Variants in MIGA2 observed in about 807,000 individuals in gnomAD.
MIGA2 encodes family with sequence similarity 73, member B.
Under a neutral mutation model 69.9 loss-of-function variants are expected in MIGA2, and 36 were observed. That is an observed-to-expected ratio of 0.52 (90% confidence interval 0.39 to 0.68). The LOEUF (loss-of-function observed/expected upper bound fraction) is 0.68, where lower values mean the gene tolerates loss of function less well. MIGA2 is among the 30% of genes least tolerant of loss of function. The pLI is 0.00. For missense variants in MIGA2, 660 were observed against 787.7 expected (o/e 0.84, Z 1.94); for synonymous variants, 333 against 349.2 (o/e 0.95, Z 0.52).
At chr9:129,063,655 G>GGGGGGGGCC in intron 11 of MIGA2, 24 bp downstream of exon 11, 22 of 645,588 alleles carry the variant, frequency 3.4e-5, no homozygotes, top group Non-Finnish European at 5.5e-5. Flanking sequence ...GGGTGGGGGG[G>GGGGGGGGCC]CAAATTATAA....
rs757708773 is a variant in MIGA2 at position 129,068,080 on chromosome 9, T to A, written c.1270-118T>A. 13 of 1,443,470 alleles carry A rather than the reference T, an allele frequency of 9.0e-6. No homozygotes were observed. In the East Asian group the frequency reaches 9.1e-5, roughly 10 times the overall value. 89.4% of individuals were successfully genotyped at this position (1,443,470 alleles called of 1,614,324 possible). On this transcript the variant is annotated intron_variant, in intron 12 of 15. Transcript: ENST00000684074. The surrounding 1 kb of genome is among the most constrained non-coding windows in gnomAD (Gnocchi z 4.1). ...GTTGCACAGCAGAGCGGGAAAGACG[T>A]GTCCCCCCCACGTGTGCTCATGCCC...
rs761429099 is a variant in MIGA2 at position 129,067,904 on chromosome 9, G to A, written c.1269+33G>A. The A allele has an allele frequency of 1.6e-5, 25 of 1,589,794 alleles. 1 individual carries two copies. Among genetic ancestry groups the A allele is most frequent in the South Asian group, 9.1e-5 (8 of 88,220 alleles). ...GCTTTGTGCTGAACCCCGACATCCCGGGCTCCCCTGCATCTGAGCAGCAAG... is the reference window on the plus strand; with the variant it reads ...GCTTTGTGCTGAACCCCGACATCCCAGGCTCCCCTGCATCTGAGCAGCAAG... On this transcript the variant is annotated intron_variant, in intron 12 of 15. Coordinates refer to ENST00000684074, the MANE Select transcript of MIGA2 (RefSeq NM_001329990.2).
chr9:129,036,729 C>A, intron 1 of MIGA2, 48 bp downstream of exon 1: 1 of 164,734 alleles, frequency 6.1e-6, no homozygotes, highest in Non-Finnish European at 1.4e-5. Flanking sequence ...GGCAGCGCGG[C>A]AGGGCCGGGA....
intron 3 of MIGA2, among the ~76,000 whole-genome samples, chr9:129,044,234 C>T (rs1845084442): frequency 6.6e-6 from 1 of 151,760 alleles, no homozygotes; most frequent in Non-Finnish European, 1.5e-5. Context: ...CCTCGTGATC[C>T]ACCCGCCTTG....
intron 3 of MIGA2, among the ~76,000 whole-genome samples, chr9:129,044,619 C>A (rs1845110869): frequency 6.6e-6 from 1 of 152,088 alleles, no homozygotes; most frequent in Non-Finnish European, 1.5e-5. Flanking sequence ...ATGGCACAGT[C>A]TCGGCTCACT....
chr9:129,043,810 T>C (rs1357100667), intron 3 of MIGA2, among the ~76,000 whole-genome samples: 49 of 151,088 alleles, frequency 3.2e-4, no homozygotes, highest in South Asian at 1.1e-3. Flanking sequence ...AAGCGATTCT[T>C]CTGCCTCAGC....
Position 129,060,673 on chromosome 9 carries a change from C to G in MIGA2, c.894+23C>G. 2 of 1,554,218 alleles carry G rather than the reference C, an allele frequency of 1.3e-6. No homozygotes were observed. The highest frequency in any genetic ancestry group is 1.7e-6 in the Non-Finnish European group (2 of 1,146,372). On this transcript the variant is annotated intron_variant, in intron 8 of 15. Coordinates refer to ENST00000684074, the MANE Select transcript of MIGA2 (RefSeq NM_001329990.2). This position sits in a 1 kb window ranked among gnomAD's most constrained non-coding sequence, Gnocchi z 4.8. ...GAGGTGACTCGGGGTGGGGACCAAG[C>G]CTGGGGTGGGGTGAAGGCTGGGCCT...
At chr9:129,051,657 C>T (rs1295769774) in intron 6 of MIGA2, among the ~76,000 whole-genome samples, 2 of 151,364 alleles carry the variant, frequency 1.3e-5, no homozygotes, top group Non-Finnish European at 2.9e-5. Flanking sequence ...GGTGCAGTGG[C>T]GTGATCTCGG....
At chr9:129,057,295 G>A (rs180763900) in intron 6 of MIGA2, among the ~76,000 whole-genome samples, 6 of 151,390 alleles carry the variant, frequency 4.0e-5, no homozygotes, top group Admixed American at 6.6e-5. Flanking sequence ...TATAAATTTT[G>A]TTGTTGTTGT....
chr9:129,048,576 C>A, intron 4 of MIGA2, 37 bp downstream of exon 4: 1 of 1,544,958 alleles, frequency 6.5e-7, no homozygotes, highest in South Asian at 1.1e-5. Context: ...GGCTCCAGGT[C>A]CGGGCTTACC....
Position 129,070,493 on chromosome 9 carries a change from C to T in MIGA2, c.*40C>T, listed in dbSNP as rs1362031412. ...GGGGGGTGGCAGAGAGAAGGCTCCTCCTCCCTTCCCTGGGTTGGTATCTGA... is the reference window on the plus strand; with the variant it reads ...GGGGGGTGGCAGAGAGAAGGCTCCTTCTCCCTTCCCTGGGTTGGTATCTGA... On this transcript the variant is annotated 3_prime_UTR_variant, in exon 16 of 16. Transcript: ENST00000684074. 6.8e-7 allele frequency: 1 copy of T among 1,473,580 alleles called. No individual in the cohort carries two copies. The highest frequency in any genetic ancestry group is 1.3e-5 in the South Asian group (1 of 75,366). 91.3% of individuals were successfully genotyped at this position (1,473,580 alleles called of 1,614,324 possible). A position where few individuals can be genotyped will look rare whatever the true frequency, so the allele number is the denominator to read the frequency against.
At chr9:129,047,949 G>A (rs769145081) in intron 3 of MIGA2, among the ~76,000 whole-genome samples, 3 of 151,620 alleles carry the variant, frequency 2.0e-5, no homozygotes, top group Non-Finnish European at 4.4e-5. Flanking sequence ...GGCTGGTCTT[G>A]AACTCCTGGG....
In MIGA2 at chr9:129,063,643, T is replaced by TGGGGGGG; in HGVS notation, c.1170+16_1170+17insGGGGGGG. The TGGGGGGG allele has an allele frequency of 1.7e-6, 1 of 584,616 alleles. No homozygotes were observed. Among genetic ancestry groups the TGGGGGGG allele is most frequent in the Non-Finnish European group, 2.8e-6 (1 of 360,650 alleles). The allele number at this position is 584,616 out of a possible 1,614,324, so 36.2% of individuals were successfully genotyped here. On this transcript the variant is annotated intron_variant, in intron 11 of 15. Transcript: ENST00000684074. ...CCAAGGCTGAGAAGGTAGCAGGGGG[T>TGGGGGGG]GGGGTGGGGGGGCAAATTATAAAAT...
chr9:129,040,761 TC>T, intron 2 of MIGA2, 71 bp downstream of exon 2: 1 of 1,401,076 alleles, frequency 7.1e-7, no homozygotes, highest in Non-Finnish European at 9.8e-7. Context: ...CTCCTCCGTG[TC>T]CAGGAACGCT....
chr9:129,048,513 T>C lies in MIGA2; in HGVS notation c.394T>C (p.Ser132Pro). The C allele has an allele frequency of 6.2e-7, 1 of 1,613,884 alleles. No individual in the cohort carries two copies. Among genetic ancestry groups the C allele is most frequent in the South Asian group, 1.1e-5 (1 of 91,086 alleles). Residue 132 changes from serine to proline, a missense_variant, in exon 4 of 16, where the codon TCG (serine) becomes CCG (proline). Coordinates refer to ENST00000684074, the MANE Select transcript of MIGA2 (RefSeq NM_001329990.2). ...GISSIEPSKHSGSSHSVASMM... is the reference protein window; with the variant it reads ...GISSIEPSKHPGSSHSVASMM... ...CTCTTCCATTGAGCCCAGCAAGCAC[T>C]CGGGCTCCTCCCACAGTGTGGCCTC...
intron 3 of MIGA2, among the ~76,000 whole-genome samples, chr9:129,045,441 CAAAAAAAAAAAAAAAAAAA>C (rs766649271): frequency 5.0e-5 from 1 of 20,050 alleles, no homozygotes; most frequent in Admixed American, 4.4e-4. Flanking sequence ...GACTCTGTCT[CAAAAAAAAAAAAAAAAAAA>C]AAAAAAAGCA....
intron 6 of MIGA2, among the ~76,000 whole-genome samples, chr9:129,057,628 A>G (rs1379674444): frequency 2.1e-5 from 3 of 139,898 alleles, no homozygotes; most frequent in African/African-American, 5.4e-5. Flanking sequence ...ATTTTGAGAC[A>G]GAGTCTCGCT....
rs192848874 is a variant in MIGA2, at chr9:129,061,176, G to C, written c.895-55G>C. ...ACCAATGGGCAGGTGCCCTTGCGCC[G>C]TGGCGTGCTGCTCACATGGGCTTCC... On this transcript the variant is annotated intron_variant, in intron 8 of 15. Coordinates refer to ENST00000684074, the MANE Select transcript of MIGA2 (RefSeq NM_001329990.2). This position sits in a 1 kb window ranked among gnomAD's most constrained non-coding sequence, Gnocchi z 5.0. 6.7e-7 allele frequency: 1 copy of C among 1,487,010 alleles called. No homozygotes were observed. Among genetic ancestry groups the C allele is most frequent in the African/African-American group, 1.4e-5 (1 of 72,004 alleles). 92.1% of individuals were successfully genotyped at this position (1,487,010 alleles called of 1,614,324 possible). A position where few individuals can be genotyped will look rare whatever the true frequency, so the allele number is the denominator to read the frequency against.
In MIGA2 at chr9:129,059,291, G is replaced by C; in HGVS notation, c.793+20G>C. The C allele has an allele frequency of 6.5e-7, 1 of 1,540,344 alleles. No individual in the cohort carries two copies. The highest frequency in any genetic ancestry group is 8.8e-7 in the Non-Finnish European group (1 of 1,133,844). On this transcript the variant is annotated intron_variant, in intron 7 of 15. Transcript: ENST00000684074. The surrounding 1 kb of genome is among the most constrained non-coding windows in gnomAD (Gnocchi z 5.6). ...ACCTCGGTGAGCTGGGCCCAGTGCA[G>C]GTGGGGTGGGCGTGGAGGGTGGCAG...
Sources: allele counts gnomAD v4.1 joint callset (sites outside exome capture counted in the v4.1 genomes callset), GRCh38; gene constraint gnomAD v4.1.1; non-coding constraint Gnocchi (gnomAD v3.1); transcripts MANE v1.5; gene names NCBI Gene and HGNC (gene_info 2026-07-23, HGNC 2026-07-21).